The following AKAP6 variants were observed in gnomAD, a reference collection of about 807,000 sequenced individuals.
AKAP6 encodes the protein A-kinase anchoring protein 6, also known as A-kinase anchor protein 6.
A neutral mutation model predicts 188.5 loss-of-function variants in AKAP6; 58 were observed. The observed-to-expected ratio is 0.31, with a 90% confidence interval of 0.25 to 0.38. AKAP6 has a LOEUF of 0.38. Among genes scored for constraint, AKAP6 ranks in the 10% least tolerant of loss-of-function variants. The pLI is 1.00. For synonymous variants in AKAP6, 989 were observed against 998.6 expected, an observed-to-expected ratio of 0.99 and a Z score of 0.18; for missense variants, 2,710 against 2,740.0, an observed-to-expected ratio of 0.99 and a Z score of 0.24.
intron 2 of AKAP6, among the ~76,000 whole-genome samples, chr14:32,492,355 T>TATATAG: frequency 3.4e-4 from 28 of 82,602 alleles, no homozygotes; most frequent in African/African-American, 8.6e-4. Context: ...TATATATATA[T>TATATAG]AGAGAGAGAG....
chr14:32,440,453 C>T (rs780448931), intron 2 of AKAP6, among the ~76,000 whole-genome samples: 12 of 151,726 alleles, frequency 7.9e-5, no homozygotes, highest in South Asian at 2.1e-4. Context: ...ACATTGTGCA[C>T]ATGTACCCTA....
At chr14:32,684,235 ACCTTGTGGTAAACTATGC>A (rs1889814548) in intron 8 of AKAP6, among the ~76,000 whole-genome samples, 1 of 152,208 alleles carries the variant, frequency 6.6e-6, no homozygotes, top group African/African-American at 2.4e-5. Flanking sequence ...CCAAGAATTT[ACCTTGTGGTAAACTATGC>A]CCTCCCTGCC....
chr14:32,610,371 C>A (rs546887425), intron 7 of AKAP6, among the ~76,000 whole-genome samples: 7 of 152,220 alleles, frequency 4.6e-5, no homozygotes, highest in African/African-American at 1.7e-4. Flanking sequence ...TTTCTTTGTT[C>A]TTTGCTCTTG....
intron 1 of AKAP6, among the ~76,000 whole-genome samples, chr14:32,390,786 G>C (rs1024971373): frequency 2.0e-5 from 3 of 152,076 alleles, no homozygotes; most frequent in Non-Finnish European, 4.4e-5. Flanking sequence ...TTGCCTTCAG[G>C]GGGTATGTGG....
chr14:32,530,263 G>A (rs1295993368), intron 2 of AKAP6, among the ~76,000 whole-genome samples: 4 of 152,120 alleles, frequency 2.6e-5, no homozygotes, highest in African/African-American at 9.7e-5. Context: ...CTGAGTCCAA[G>A]CAATTCTCCT....
At chr14:32,720,091 G>A (rs2030451552) in intron 9 of AKAP6, among the ~76,000 whole-genome samples, 1 of 152,092 alleles carries the variant, frequency 6.6e-6, no homozygotes. Flanking sequence ...GGTAACCTAT[G>A]ATACATAAAT....
intron 8 of AKAP6, among the ~76,000 whole-genome samples, chr14:32,693,098 A>G (rs1713748611): frequency 1.3e-5 from 2 of 152,202 alleles, no homozygotes; most frequent in Admixed American, 6.5e-5. Context: ...GGTGCAGTGG[A>G]GTCCCCTGGC....
rs762605413 is a variant in AKAP6 at position 32,678,231 on chromosome 14, A to C, written c.2731-80A>C. 2.8e-6 allele frequency: 4 copies of C among 1,452,112 alleles called. No homozygotes were observed. In the African/African-American group the frequency reaches 4.2e-5, roughly 15 times the overall value. The allele number at this position is 1,452,112 out of a possible 1,614,324, so 90.0% of individuals were successfully genotyped here. On this transcript the variant is annotated intron_variant, in intron 7 of 13. Transcript: ENST00000280979. Reference sequence around the variant, plus strand: ...CACTATAATGATGTGAAGAATTCCCATTCTTTGAGTTGTTACACCTCACTT... The same window carrying C: ...CACTATAATGATGTGAAGAATTCCCCTTCTTTGAGTTGTTACACCTCACTT...
At chr14:32,773,968 C>A in intron 12 of AKAP6, 75 bp downstream of exon 12, 2 of 1,462,190 alleles carry the variant, frequency 1.4e-6, no homozygotes, top group Non-Finnish European at 9.4e-7. Context: ...GGCTTGGAAA[C>A]GGTGTTCATC....
At chr14:32,340,460 T>C (rs1886855560) in intron 1 of AKAP6, among the ~76,000 whole-genome samples, 1 of 152,186 alleles carries the variant, frequency 6.6e-6, no homozygotes, top group Non-Finnish European at 1.5e-5. Context: ...CTTGGTTTCC[T>C]CCACAGTAAA....
rs2034847911 is a variant in AKAP6, at chr14:32,834,019, A to T, written c.*4214A>T. The T allele has an allele frequency of 6.6e-6, 1 of 152,220 alleles. No homozygotes were observed. The highest frequency in any genetic ancestry group is 1.5e-5 in the Non-Finnish European group (1 of 68,038). The allele number at this position is 152,220 out of a possible 1,614,324, so 9.4% of individuals were successfully genotyped here. A position where few individuals can be genotyped will look rare whatever the true frequency, so the allele number is the denominator to read the frequency against. ...ATTAAATTGTAGAGTATGATACTTC[A>T]TCTGCAAATACTTCAGCATGTGTTA... On this transcript the variant is annotated 3_prime_UTR_variant, in exon 14 of 14. Transcript: ENST00000280979.
intron 12 of AKAP6, among the ~76,000 whole-genome samples, chr14:32,805,449 C>A: frequency 6.6e-6 from 1 of 152,022 alleles, no homozygotes; most frequent in East Asian, 1.9e-4. Flanking sequence ...GAAGGGGAGA[C>A]CTGGGAGAAC....
intron 8 of AKAP6, among the ~76,000 whole-genome samples, chr14:32,688,330 A>G (rs1890021260): frequency 6.6e-6 from 1 of 152,090 alleles, no homozygotes; most frequent in Admixed American, 6.6e-5. Flanking sequence ...TCTTTTCTTT[A>G]AAATGTATTC....
intron 7 of AKAP6, among the ~76,000 whole-genome samples, chr14:32,644,205 C>T (rs943111158): frequency 6.6e-6 from 1 of 152,134 alleles, no homozygotes; most frequent in Non-Finnish European, 1.5e-5. Context: ...AGTGCAATGT[C>T]CACACAGAGC....
At chr14:32,650,068 T>C (rs965434779) in intron 7 of AKAP6, among the ~76,000 whole-genome samples, 1 of 152,340 alleles carries the variant, frequency 6.6e-6, no homozygotes, top group South Asian at 2.1e-4. Flanking sequence ...ATTTTAATTT[T>C]GTATATTTGA....
chr14:32,703,186 G>A (rs7151076), intron 9 of AKAP6, among the ~76,000 whole-genome samples: 10 of 152,132 alleles, frequency 6.6e-5, no homozygotes, highest in Admixed American at 2.0e-4. Flanking sequence ...AGAAGGCGGG[G>A]AGAGGGGGGC....
chr14:32,817,577 T>A (rs2034419985), intron 12 of AKAP6, among the ~76,000 whole-genome samples: 1 of 151,846 alleles, frequency 6.6e-6, no homozygotes, highest in Admixed American at 6.6e-5. Flanking sequence ...ATGCAGCAAG[T>A]CTATGAATAG....
intron 1 of AKAP6, among the ~76,000 whole-genome samples, chr14:32,357,618 A>G (rs1475881742): frequency 1.3e-5 from 2 of 152,372 alleles, no homozygotes; most frequent in South Asian, 4.1e-4. Context: ...ATCTTACAGC[A>G]TACAATCAAA....
intron 2 of AKAP6, among the ~76,000 whole-genome samples, chr14:32,464,250 C>G (rs1254916518): frequency 1.3e-5 from 2 of 152,084 alleles, no homozygotes; most frequent in African/African-American, 4.8e-5. Flanking sequence ...TTTATGAGGC[C>G]AGCATCATCC....
Sources: allele counts gnomAD v4.1 joint callset (sites outside exome capture counted in the v4.1 genomes callset), GRCh38; gene constraint gnomAD v4.1.1; transcripts MANE v1.5; gene names NCBI Gene and HGNC (gene_info 2026-07-23, HGNC 2026-07-21).